TMEM132A: variants seen among roughly 807,000 people sequenced by gnomAD.
TMEM132A encodes the protein transmembrane protein 132A.
Under a neutral mutation model 69.9 loss-of-function variants are expected in TMEM132A, and 48 were observed. The observed-to-expected ratio is 0.69, with a 90% CI of 0.55 to 0.87. TMEM132A has a LOEUF of 0.87. TMEM132A is among the 40% of genes least tolerant of loss of function. TMEM132A has a pLI of 0.00. For synonymous variants in TMEM132A, 577 were observed against 613.7 expected, an observed-to-expected ratio of 0.94 and a Z score of 0.88; for missense variants, 1,287 against 1,407.2, an observed-to-expected ratio of 0.91 and a Z score of 1.37.
intron 5 of TMEM132A, among the ~76,000 whole-genome samples, 183 bp downstream of exon 5, chr11:60,930,842 A>G (rs1022980177): frequency 2.6e-5 from 4 of 152,160 alleles, no homozygotes; most frequent in African/African-American, 4.8e-5. Context: ...TCATTCGGCC[A>G]CTATCTTCCC....
intron 1 of TMEM132A, 96 bp from the exon 2 acceptor site, chr11:60,927,108 T>G: frequency 1.0e-6 from 1 of 982,908 alleles, no homozygotes; most frequent in Non-Finnish European, 1.6e-6. Context: ...CTTTTCTCCC[T>G]CCCTTGCCCA....
At chr11:60,925,891 C>CA (rs1164646160) in intron 1 of TMEM132A, 2 of 152,280 alleles carry the variant, frequency 1.3e-5, no homozygotes, top group Non-Finnish European at 2.9e-5. Context: ...AAACAGGCTT[C>CA]AAAATGTTAA....
At position 60,934,746 on chromosome 11, in the gene TMEM132A, C is replaced by T. The variant is rs748867787; in HGVS notation, c.1818C>T (p.Pro606=). 3.0e-5 allele frequency: 48 copies of T among 1,603,490 alleles called. No homozygotes were observed. The African/African-American group carries it at 3.6e-4, about 12-fold the overall frequency. ...EGGRVVVGRE[P]GVTSIEVRSP... ...GCCGTGTCGTGGTGGGCCGGGAGCC[C>T]GGTGTCACCTCCATTGAGGTAAGCA... Residue 606 remains proline (P), a synonymous_variant, in exon 9 of 11, where the codon CCC becomes CCT. Transcript: ENST00000453848.
chr11:60,936,523 C>T lies in TMEM132A; in HGVS notation c.2688C>T (p.Val896=). ...CCTCCCCCCAGCCCCACAACTGGGTCTGGCTGGGCACTGACCAGGAGGAAC... is the reference window on the plus strand; with the variant it reads ...CCTCCCCCCAGCCCCACAACTGGGTTTGGCTGGGCACTGACCAGGAGGAAC... ...DPTSPQPHNW[V]WLGTDQEELS... Residue 896 remains valine, a synonymous_variant, in exon 11 of 11, where the codon GTC becomes GTT. Transcript: ENST00000453848. 6.2e-7 allele frequency: 1 copy of T among 1,613,870 alleles called. No homozygotes were observed.
In TMEM132A at chr11:60,935,133, C is replaced by T. The variant is rs1365707507; in HGVS notation, c.1837-119C>T. 9 of 968,074 alleles carry T rather than the reference C, an allele frequency of 9.3e-6. No individual in the cohort carries two copies. In the East Asian group the frequency reaches 1.1e-4, roughly 11 times the overall value. 60.0% of individuals were successfully genotyped at this position (968,074 alleles called of 1,614,324 possible). A position where few individuals can be genotyped will look rare whatever the true frequency, so the allele number is the denominator to read the frequency against. On this transcript the variant is annotated intron_variant, in intron 9 of 10. Transcript: ENST00000453848. This position sits in a 1 kb window ranked among gnomAD's most constrained non-coding sequence, Gnocchi z 5.0. The stretch of plus-strand genomic sequence containing the variant: ...CCCTCTGGGTGGGGGCTGTCCGTGG[C>T]GAAGACCTCCCCCACCTCCGGAGGG...
Position 60,933,657 on chromosome 11 carries a change from G to A in TMEM132A, c.1472G>A (p.Trp491Ter), listed in dbSNP as rs780482310. ...CGCGCCTCGCTGCGGCTGACCGTGT[G>A]GGCCCCCCTGCTACCGCTGCGTATC... Reference protein sequence around the residue: ...RLRASLRLTVWAPLLPLRIEL... With the variant: ...RLRASLRLTV The change falls in exon 8 of 11, where the codon TGG (tryptophan) becomes TAG (stop). Residue 491 changes from tryptophan to a stop codon, truncating the protein, a stop_gained. Coordinates refer to ENST00000453848, the MANE Select transcript of TMEM132A (RefSeq NM_178031.3). LOFTEE classifies it high-confidence loss of function. 1 of 1,606,014 alleles carries A rather than the reference G, an allele frequency of 6.2e-7. No homozygotes were observed. Among genetic ancestry groups the A allele is most frequent in the South Asian group, 1.1e-5 (1 of 90,664 alleles).
Position 60,935,474 on chromosome 11 carries a change from C to T in TMEM132A, c.2028+31C>T. ...AGTTGGGGGGTCAGGGGGATGAGGT[C>T]AACATCTCCAGATGGGGGCTCATGG... On this transcript the variant is annotated intron_variant, in intron 10 of 10. Coordinates refer to ENST00000453848, the MANE Select transcript of TMEM132A (RefSeq NM_178031.3). The surrounding 1 kb of genome is among the most constrained non-coding windows in gnomAD (Gnocchi z 5.0). The T allele has an allele frequency of 6.4e-7, 1 of 1,564,958 alleles. No individual in the cohort carries two copies. Among genetic ancestry groups the T allele is most frequent in the Admixed American group, 1.9e-5 (1 of 52,752 alleles).
chr11:60,934,095 A>C, intron 8 of TMEM132A: 1 of 383,042 alleles, frequency 2.6e-6, no homozygotes, highest in Non-Finnish European at 4.6e-6. Flanking sequence ...GTACCCTCAG[A>C]GCCTAAGATG....
Position 60,935,712 on chromosome 11 carries a change from G to A in TMEM132A, c.2029-152G>A, listed in dbSNP as rs530417733. ...TGAGTGGCAGACAGGTGATTGACACGCGTCCCCTCTCTCCCTGTGTTTTGT... is the reference window on the plus strand; with the variant it reads ...TGAGTGGCAGACAGGTGATTGACACACGTCCCCTCTCTCCCTGTGTTTTGT... On this transcript the variant is annotated intron_variant, in intron 10 of 10. Coordinates refer to ENST00000453848, the MANE Select transcript of TMEM132A (RefSeq NM_178031.3). The surrounding 1 kb of genome is among the most constrained non-coding windows in gnomAD (Gnocchi z 5.0). 8.5e-5 allele frequency: 81 copies of A among 956,130 alleles called. No homozygotes were observed. The highest frequency in any genetic ancestry group is 3.1e-4 in the African/African-American group (19 of 60,716). 59.2% of individuals were successfully genotyped at this position (956,130 alleles called of 1,614,324 possible). A position where few individuals can be genotyped will look rare whatever the true frequency, so the allele number is the denominator to read the frequency against.
rs553095356 is a variant in TMEM132A at position 60,934,322 on chromosome 11, G to A, written c.1560-166G>A. 3.2e-5 allele frequency: 19 copies of A among 589,350 alleles called. No homozygotes were observed. The East Asian group carries it at 6.4e-4, about 20-fold the overall frequency. 36.5% of individuals were successfully genotyped at this position (589,350 alleles called of 1,614,324 possible). A position where few individuals can be genotyped will look rare whatever the true frequency, so the allele number is the denominator to read the frequency against. The stretch of plus-strand genomic sequence containing the variant: ...GTGGGCTGGGGCGGCTCGCCTGCAG[G>A]TGGAAGGGCCTGACCCCAAGAGGGG... On this transcript the variant is annotated intron_variant, in intron 8 of 10. Transcript: ENST00000453848.
At chr11:60,930,854 GC>G (rs1170772224) in intron 5 of TMEM132A, among the ~76,000 whole-genome samples, 195 bp downstream of exon 5, 1 of 152,176 alleles carries the variant, frequency 6.6e-6, no homozygotes, top group Non-Finnish European at 1.5e-5. Context: ...TATCTTCCCA[GC>G]CCCAGCCATG....
At chr11:60,927,500 C>T in intron 2 of TMEM132A, 82 bp downstream of exon 2, 1 of 1,459,474 alleles carries the variant, frequency 6.9e-7, no homozygotes. Flanking sequence ...GAGCCTTCCC[C>T]AGCCCCGGCT....
chr11:60,936,396 TG>T lies in TMEM132A; in HGVS notation c.2564del (p.Gly855GlufsTer51), dbSNP rs1488872622. On this transcript the variant is annotated frameshift_variant, in exon 11 of 11. Transcript: ENST00000453848. LOFTEE classifies it low-confidence loss of function (END_TRUNC). ...CTAGAGCTGGGCATGTACGCCCTGC[TG>T]GGAGTCTTCTGCGTGGCCATCTTCA... ...TELELGMYAL[L>X]GVFCVAIFIF... 2 of 1,614,032 alleles carry T rather than the reference TG, an allele frequency of 1.2e-6. No individual in the cohort carries two copies. The highest frequency in any genetic ancestry group is 3.3e-5 in the Admixed American group (2 of 60,010).
intron 1 of TMEM132A, 90 bp from the exon 2 acceptor site, chr11:60,927,114 G>A (rs563423361): frequency 9.7e-6 from 10 of 1,031,466 alleles, no homozygotes; most frequent in African/African-American, 4.7e-5. Context: ...TCCCTCCCTT[G>A]CCCACAACTA....
In TMEM132A at chr11:60,936,709, G is replaced by A. The variant is rs1452208904; in HGVS notation, c.2874G>A (p.Gly958=). The A allele has an allele frequency of 5.7e-6, 9 of 1,574,980 alleles. No individual in the cohort carries two copies. The highest frequency in any genetic ancestry group is 1.2e-5 in the South Asian group (1 of 85,636). ...SSTLARKEAG[G]RRKRVEFVTF... ...CCCTGGCCCGAAAGGAGGCTGGGGG[G>A]CGGCGGAAGCGAGTAGAGTTTGTGA... The change falls in exon 11 of 11, where the codon GGG becomes GGA. Residue 958 remains glycine, a synonymous_variant. Transcript: ENST00000453848.
Position 60,927,957 on chromosome 11 carries a change from C to T in TMEM132A, c.534+98C>T, listed in dbSNP as rs180968764. Reference sequence around the variant, plus strand: ...AGGAAACCCCCACTCCTGGGAAGCGCGGGGGTTGTGGACCACCCGACTCCA... The same window carrying T: ...AGGAAACCCCCACTCCTGGGAAGCGTGGGGGTTGTGGACCACCCGACTCCA... On this transcript the variant is annotated intron_variant, in intron 3 of 10. Coordinates refer to ENST00000453848, the MANE Select transcript of TMEM132A (RefSeq NM_178031.3). The T allele has an allele frequency of 7.2e-3, 7,841 of 1,091,408 alleles. 90 individuals are homozygous for T. The highest frequency in any genetic ancestry group is 0.035 in the South Asian group (2,232 of 63,698). 67.6% of individuals were successfully genotyped at this position (1,091,408 alleles called of 1,614,324 possible).
chr11:60,929,016 G>A, intron 4 of TMEM132A, 56 bp downstream of exon 4: 1 of 1,575,668 alleles, frequency 6.3e-7, no homozygotes, highest in Non-Finnish European at 8.7e-7. Flanking sequence ...GGAAGACTAG[G>A]GACAGGTACC....
At chr11:60,934,401 A>G in intron 8 of TMEM132A, 87 bp from the exon 9 acceptor site, 1 of 1,196,316 alleles carries the variant, frequency 8.4e-7, no homozygotes, top group African/African-American at 1.6e-5. Flanking sequence ...GCCGCCGGGG[A>G]CGAGCTGCGG....
At chr11:60,930,930 G>C (rs1233246073) in intron 5 of TMEM132A, among the ~76,000 whole-genome samples, 1 of 152,128 alleles carries the variant, frequency 6.6e-6, no homozygotes, top group Non-Finnish European at 1.5e-5. Flanking sequence ...TGTGCCCCAG[G>C]TAGAGCCCTC....
Sources: gnomAD v4.1 joint callset for allele counts (sites outside exome capture counted in the v4.1 genomes callset) on GRCh38, gnomAD v4.1.1 for gene constraint, Gnocchi (gnomAD v3.1) non-coding constraint, MANE v1.5 for transcripts, NCBI Gene and HGNC (gene_info 2026-07-23, HGNC 2026-07-21) for gene names.